RBFOX3: variants seen among roughly 807,000 people sequenced by gnomAD.
RBFOX3 encodes RNA binding protein fox-1 homolog 3.
A neutral mutation model predicts 48.7 loss-of-function variants in RBFOX3; 17 were observed. The observed-to-expected ratio is 0.35, with a 90% CI of 0.24 to 0.52. The LOEUF is 0.52. Among genes scored for constraint, RBFOX3 ranks in the 20% least tolerant of loss-of-function variants. The pLI is 0.94. For synonymous variants in RBFOX3, 212 were observed against 209.5 expected (o/e 1.01, Z -0.10); for missense variants, 382 against 497.5 (o/e 0.77, Z 2.21).
intron 1 of RBFOX3, among the ~76,000 whole-genome samples, chr17:79,557,859 C>A (rs1445585724): frequency 1.3e-5 from 2 of 152,200 alleles, no homozygotes; most frequent in East Asian, 1.9e-4. Flanking sequence ...AGACAGGTCA[C>A]GAGCAAAACC....
chr17:79,623,890 G>T, the RBFOX3 span, among the ~76,000 whole-genome samples: 1 of 151,820 alleles, frequency 6.6e-6, no homozygotes, highest in Non-Finnish European at 1.5e-5. Context: ...GATGATGGAG[G>T]TGGGTCGGAG....
chr17:79,378,702 T>C lies in RBFOX3; in HGVS notation c.-174-70878A>G, dbSNP rs188473492. 4.2e-3 allele frequency among the ~76,000 whole-genome samples: 637 copies of C among 152,322 alleles called. 7 individuals carry two copies. The highest frequency in any genetic ancestry group is 0.015 in the African/African-American group (607 of 41,560). The stretch of plus-strand genomic sequence containing the variant: ...CCAGCCTCACCTGGGAGCCAGGCTG[T>C]GTCCCATGTTAATGCAGCTACTTCA... On this transcript the variant is annotated intron_variant, in intron 2 of 14. Coordinates refer to ENST00000693108, the MANE Select transcript of RBFOX3 (RefSeq NM_001350451.2).
intron 1 of RBFOX3, among the ~76,000 whole-genome samples, chr17:79,526,831 G>A (rs1317653521): frequency 6.6e-6 from 1 of 152,224 alleles, no homozygotes; most frequent in Non-Finnish European, 1.5e-5. Context: ...CCCACTTTGG[G>A]TGAGGGAACT....
chr17:79,280,112 GCACA>G (rs10650242), intron 3 of RBFOX3, among the ~76,000 whole-genome samples: 1 of 150,654 alleles, frequency 6.6e-6, no homozygotes, highest in African/African-American at 2.4e-5. Flanking sequence ...ACATGTGTAT[GCACA>G]CACACACGCA....
At chr17:79,352,977 C>T (rs1268541449) in intron 2 of RBFOX3, among the ~76,000 whole-genome samples, 3 of 152,222 alleles carry the variant, frequency 2.0e-5, no homozygotes, top group Admixed American at 2.0e-4. Flanking sequence ...GTTTGCTCAT[C>T]AACACAAAGG....
intron 2 of RBFOX3, among the ~76,000 whole-genome samples, chr17:79,397,508 AG>A (rs2062170688): frequency 6.8e-6 from 1 of 146,300 alleles, no homozygotes; most frequent in Admixed American, 6.8e-5. Context: ...AAAAAAAAAA[AG>A]TGCGACCCCC....
upstream of RBFOX3, among the ~76,000 whole-genome samples, chr17:79,612,704 C>T (rs2093978109): frequency 6.6e-6 from 1 of 152,214 alleles, no homozygotes; most frequent in African/African-American, 2.4e-5. Context: ...CTGAACTTTC[C>T]CCTGCCACCG....
chr17:79,209,599 T>C (rs1012654267), intron 4 of RBFOX3, among the ~76,000 whole-genome samples: 4 of 152,188 alleles, frequency 2.6e-5, no homozygotes, highest in African/African-American at 9.6e-5. Context: ...GTGTCCAGCA[T>C]AGGTGTCTGC....
intron 9 of RBFOX3, among the ~76,000 whole-genome samples, chr17:79,101,157 C>T (rs779864745): frequency 3.9e-5 from 6 of 152,172 alleles, no homozygotes; most frequent in Non-Finnish European, 7.3e-5. Context: ...CAAGGCCCCC[C>T]GTGCCCTCAC....
At chr17:79,357,772 G>T (rs2085471860) in intron 2 of RBFOX3, among the ~76,000 whole-genome samples, 1 of 151,588 alleles carries the variant, frequency 6.6e-6, no homozygotes, top group Admixed American at 6.6e-5. Flanking sequence ...TTTGTAAAAA[G>T]ACAGAGAAAT....
chr17:79,656,060 C>T, the RBFOX3 span, among the ~76,000 whole-genome samples: 1 of 152,322 alleles, frequency 6.6e-6, no homozygotes, highest in Admixed American at 6.5e-5. Flanking sequence ...ACTGCCTCCC[C>T]CGCACTCTTG....
chr17:79,466,933 C>T (rs1158649877), intron 2 of RBFOX3, among the ~76,000 whole-genome samples: 5 of 152,212 alleles, frequency 3.3e-5, no homozygotes, highest in Non-Finnish European at 7.3e-5. Context: ...AGGCATGAGC[C>T]ATCTCCATGA....
rs1285578011 is a variant in RBFOX3 at position 79,430,708 on chromosome 17, C to T, written c.-175+51746G>A. 3.9e-5 allele frequency among the ~76,000 whole-genome samples: 6 copies of T among 152,130 alleles called. No homozygotes were observed. The East Asian group carries it at 1.2e-3, about 29-fold the overall frequency. ...TACAGGTATGCAGCACCACACCCAG[C>T]TAATTTTTGTATTTTTAGTAGAGAT... On this transcript the variant is annotated intron_variant, in intron 2 of 14. Coordinates refer to ENST00000693108, the MANE Select transcript of RBFOX3 (RefSeq NM_001350451.2).
rs1177856947 is a variant in RBFOX3, at chr17:79,482,957, ACCGCCCGCT to A, written c.-319-368_-319-360del. Among the ~76,000 whole-genome samples, 1 of 150,226 alleles carries A rather than the reference ACCGCCCGCT, an allele frequency of 6.7e-6. No homozygotes were observed. Among genetic ancestry groups the A allele is most frequent in the Non-Finnish European group, 1.5e-5 (1 of 67,538 alleles). On this transcript the variant is annotated intron_variant, in intron 1 of 14. Coordinates refer to ENST00000693108, the MANE Select transcript of RBFOX3 (RefSeq NM_001350451.2). The surrounding 1 kb of genome is among the most constrained non-coding windows in gnomAD (Gnocchi z 4.1). ...GCCCCTCCCCATCGCCTTTCCCACT[ACCGCCCGCT>A]CTTGCTTCCTCCCCCACCCAGCCTA...
the RBFOX3 span, among the ~76,000 whole-genome samples, chr17:79,636,629 T>G: frequency 1.3e-5 from 2 of 152,128 alleles, no homozygotes; most frequent in African/African-American, 4.8e-5. Context: ...AGATGTTTTA[T>G]GTAAGCCTCA....
intron 1 of RBFOX3, among the ~76,000 whole-genome samples, chr17:79,518,560 G>C (rs2085589656): frequency 6.6e-6 from 1 of 152,238 alleles, no homozygotes. Context: ...CTGAAGGCTG[G>C]GGGAGCTGGG....
intron 1 of RBFOX3, among the ~76,000 whole-genome samples, chr17:79,578,576 G>A (rs1488627839): frequency 1.6e-4 from 24 of 152,348 alleles, no homozygotes; most frequent in African/African-American, 4.6e-4. Context: ...GACCCGCTCC[G>A]GGCCAGGGAC....
chr17:79,160,008 C>T (rs2046639050), intron 4 of RBFOX3, among the ~76,000 whole-genome samples: 1 of 152,258 alleles, frequency 6.6e-6, no homozygotes, highest in African/African-American at 2.4e-5. Context: ...CGGAGGGCAG[C>T]TCTGCTCAGG....
chr17:79,456,971 G>A (rs1030795230), intron 2 of RBFOX3, among the ~76,000 whole-genome samples: 13 of 152,242 alleles, frequency 8.5e-5, no homozygotes, highest in African/African-American at 3.1e-4. Context: ...AGTTAGTCAT[G>A]AATTGTATGT....
Sources: allele counts gnomAD v4.1 joint callset (sites outside exome capture counted in the v4.1 genomes callset), GRCh38; gene constraint gnomAD v4.1.1; non-coding constraint Gnocchi (gnomAD v3.1); transcripts MANE v1.5; gene names NCBI Gene and HGNC (gene_info 2026-07-23, HGNC 2026-07-21).